The following TIMP2 variants were observed in gnomAD, a reference collection of about 807,000 sequenced individuals.
The protein encoded by TIMP2 is metalloproteinase inhibitor 2.
In TIMP2, 5 loss-of-function variants were observed where a neutral mutation model predicts 24.3. That is an observed-to-expected ratio of 0.21 (90% CI 0.11 to 0.43). TIMP2 has a LOEUF of 0.43. Ranked by LOEUF, TIMP2 falls within the 20% of genes least tolerant of loss-of-function variation. The pLI, the probability that TIMP2 is intolerant of heterozygous loss-of-function variation, is 1.00. For synonymous variants in TIMP2, 130 were observed against 123.2 expected (o/e 1.06, Z -0.37); for missense variants, 221 against 297.5 (o/e 0.74, Z 1.89).
intron 1 of TIMP2, among the ~76,000 whole-genome samples, chr17:78,912,575 G>A (rs1351718228): frequency 1.3e-5 from 2 of 152,342 alleles, no homozygotes; most frequent in Admixed American, 6.5e-5. Context: ...AGAGGCGGGT[G>A]AAGGCATTGC....
At chr17:78,921,714 G>A (rs1185570811) in intron 1 of TIMP2, among the ~76,000 whole-genome samples, 1 of 152,186 alleles carries the variant, frequency 6.6e-6, no homozygotes, top group Non-Finnish European at 1.5e-5. Flanking sequence ...TGGCCTTGCT[G>A]GAAAGGACAA....
intron 1 of TIMP2, chr17:78,900,128 C>T (rs1004606047): frequency 6.6e-6 from 1 of 152,176 alleles, no homozygotes. Flanking sequence ...ACAGAGGTCC[C>T]ATAAACTAAG....
intron 1 of TIMP2, among the ~76,000 whole-genome samples, chr17:78,888,619 A>AT (rs1352597137): frequency 6.6e-6 from 1 of 152,012 alleles, no homozygotes; most frequent in Non-Finnish European, 1.5e-5. Flanking sequence ...TGCTCAGCTA[A>AT]TTTTTTATTT....
intron 1 of TIMP2, among the ~76,000 whole-genome samples, chr17:78,916,755 G>A (rs576543165): frequency 3.0e-4 from 46 of 152,222 alleles, no homozygotes; most frequent in African/African-American, 1.1e-3. Flanking sequence ...TCCCACTGCC[G>A]GGCCTCCAGG....
intron 1 of TIMP2, among the ~76,000 whole-genome samples, chr17:78,906,955 T>G (rs758846837): frequency 6.6e-6 from 1 of 152,250 alleles, no homozygotes; most frequent in Non-Finnish European, 1.5e-5. Flanking sequence ...CATTCACAAC[T>G]TGGCTGTTTG....
At chr17:78,874,075 C>T (rs528244760) in intron 1 of TIMP2, 156 bp from the exon 2 acceptor site, 33 of 570,878 alleles carry the variant, frequency 5.8e-5, no homozygotes, top group African/African-American at 4.0e-4. Flanking sequence ...TCCCAGCCCC[C>T]GGCATGGCGT....
intron 2 of TIMP2, among the ~76,000 whole-genome samples, chr17:78,872,474 C>T (rs2069694171): frequency 6.6e-6 from 1 of 152,126 alleles, no homozygotes; most frequent in African/African-American, 2.4e-5. Context: ...TCTCAGCACT[C>T]AGGGAGGCTG....
At chr17:78,872,841 T>G (rs1316671987) in intron 2 of TIMP2, among the ~76,000 whole-genome samples, 1 of 152,170 alleles carries the variant, frequency 6.6e-6, no homozygotes, top group Non-Finnish European at 1.5e-5. Flanking sequence ...TTTTTTTTCT[T>G]TTTTTGAGAT....
intron 1 of TIMP2, among the ~76,000 whole-genome samples, chr17:78,908,343 T>G (rs1272435831): frequency 6.6e-6 from 1 of 152,226 alleles, no homozygotes; most frequent in Non-Finnish European, 1.5e-5. Flanking sequence ...GATATAGGGC[T>G]GCCTGATCAA....
chr17:78,917,251 C>A (rs74818863), intron 1 of TIMP2, among the ~76,000 whole-genome samples: 158 of 77,366 alleles, frequency 2.0e-3, no homozygotes, highest in African/African-American at 5.2e-3. Flanking sequence ...GACTCCGTCT[C>A]AAAAAAAAAA....
intron 4 of TIMP2, chr17:78,857,003 T>G (rs924660743): frequency 1.3e-5 from 2 of 152,732 alleles, no homozygotes; most frequent in Admixed American, 6.5e-5. Context: ...CTCTTTTTTT[T>G]TTGGGACAGA....
intron 3 of TIMP2, among the ~76,000 whole-genome samples, chr17:78,868,291 C>T (rs2069636496): frequency 6.6e-6 from 1 of 152,080 alleles, no homozygotes; most frequent in African/African-American, 2.4e-5. Context: ...TGCTCAGTCA[C>T]CCAGGCTGGA....
intron 1 of TIMP2, among the ~76,000 whole-genome samples, chr17:78,877,139 G>C (rs2069734603): frequency 6.6e-6 from 1 of 152,188 alleles, no homozygotes; most frequent in African/African-American, 2.4e-5. Flanking sequence ...GGTGGCCCAG[G>C]TGCAGTTTGT....
intron 1 of TIMP2, among the ~76,000 whole-genome samples, chr17:78,914,290 T>TTTA (rs1205636409): frequency 6.7e-6 from 1 of 148,850 alleles, no homozygotes; most frequent in East Asian, 1.9e-4. Flanking sequence ...TATTTATTTA[T>TTTA]TTATTTGAGA....
chr17:78,875,293 G>A (rs188552899), intron 1 of TIMP2, among the ~76,000 whole-genome samples: 68 of 152,294 alleles, frequency 4.5e-4, no homozygotes, highest in South Asian at 3.1e-3. Flanking sequence ...AGGGACAGAT[G>A]CTGAGGAAGG....
chr17:78,872,978 G>A (rs1409984882), intron 2 of TIMP2, among the ~76,000 whole-genome samples: 2 of 151,948 alleles, frequency 1.3e-5, no homozygotes, highest in African/African-American at 2.4e-5. Flanking sequence ...ACAGGCACTC[G>A]CCACCACGCC....
In TIMP2 at chr17:78,924,951, C is replaced by T. The variant is rs997765755; in HGVS notation, c.130+8G>A. 3.9e-6 allele frequency: 5 copies of T among 1,270,204 alleles called. No individual in the cohort carries two copies. The African/African-American group carries it at 7.8e-5, about 20-fold the overall frequency. 78.7% of individuals were successfully genotyped at this position (1,270,204 alleles called of 1,614,324 possible). A position where few individuals can be genotyped will look rare whatever the true frequency, so the allele number is the denominator to read the frequency against. ...CCCCGCGCGGGGGCTGGGGTCGCCG[C>T]TCCTTACCTACATCTGCATTGCAAA... On this transcript the variant is annotated splice_region_variant and intron_variant, in intron 1 of 4. Coordinates refer to ENST00000262768, the MANE Select transcript of TIMP2 (RefSeq NM_003255.5). This position sits in a 1 kb window ranked among gnomAD's most constrained non-coding sequence, Gnocchi z 5.3.
intron 3 of TIMP2, among the ~76,000 whole-genome samples, chr17:78,869,158 C>T (rs927396505): frequency 5.9e-5 from 9 of 152,172 alleles, no homozygotes; most frequent in East Asian, 5.8e-4. Flanking sequence ...CAGTGGCTCA[C>T]GCCTATAATC....
chr17:78,918,074 A>ACACACACACACACACACG (rs2070277646), intron 1 of TIMP2, among the ~76,000 whole-genome samples: 2 of 79,820 alleles, frequency 2.5e-5, no homozygotes, highest in Admixed American at 1.2e-4. Context: ...AAACACACAC[A>ACACACACACACACACACG]CACACACACA....
Sources: gnomAD v4.1 joint callset for allele counts (sites outside exome capture counted in the v4.1 genomes callset) on GRCh38, gnomAD v4.1.1 for gene constraint, Gnocchi (gnomAD v3.1) non-coding constraint, MANE v1.5 for transcripts, NCBI Gene and HGNC (gene_info 2026-07-23, HGNC 2026-07-21) for gene names.